Variants in DOK6 observed in about 807,000 individuals in gnomAD.
The protein encoded by DOK6 is docking protein 6.
A neutral mutation model predicts 44.0 loss-of-function variants in DOK6; 22 were observed. The ratio of observed to expected loss-of-function variants is 0.50; its 90% CI spans 0.36 to 0.71. The LOEUF is 0.71. DOK6 is among the 30% of genes least tolerant of loss of function. The probability of loss-of-function intolerance (pLI) is 0.00; values close to 1 mark genes in which losing one functional copy is unlikely to be tolerated. For synonymous variants in DOK6, 166 were observed against 145.5 expected (o/e 1.14, Z -1.01); for missense variants, 340 against 416.4 (o/e 0.82, Z 1.60).
At chr18:69,753,110 G>T (rs767357265) in intron 6 of DOK6, among the ~76,000 whole-genome samples, 1 of 152,154 alleles carries the variant, frequency 6.6e-6, no homozygotes, top group South Asian at 2.1e-4. Flanking sequence ...AATGAAATGT[G>T]TTCAAAAGAA....
At chr18:69,496,661 A>C (rs751262970) in intron 1 of DOK6, among the ~76,000 whole-genome samples, 3 of 152,122 alleles carry the variant, frequency 2.0e-5, no homozygotes, top group Non-Finnish European at 4.4e-5. Context: ...ATTACCAGAA[A>C]ATTCTTCATA....
chr18:69,404,792 T>A (rs1339641205), intron 1 of DOK6, among the ~76,000 whole-genome samples: 1 of 94,816 alleles, frequency 1.1e-5, no homozygotes, highest in African/African-American at 3.1e-5. Context: ...GGGTGGTGTG[T>A]GTGTGTGTGT....
intron 1 of DOK6, among the ~76,000 whole-genome samples, chr18:69,495,213 G>A (rs1980848153): frequency 6.6e-6 from 1 of 152,222 alleles, no homozygotes; most frequent in South Asian, 2.1e-4. Context: ...CAAAGAGGGA[G>A]TCACAGTCTT....
intron 3 of DOK6, among the ~76,000 whole-genome samples, chr18:69,634,115 T>A (rs577863578): frequency 4.6e-5 from 7 of 152,068 alleles, no homozygotes; most frequent in African/African-American, 1.7e-4. Flanking sequence ...TCTAAAAAAT[T>A]AGTCCAAACA....
intron 2 of DOK6, among the ~76,000 whole-genome samples, chr18:69,585,490 T>A (rs1335285954): frequency 6.6e-6 from 1 of 152,240 alleles, no homozygotes; most frequent in Non-Finnish European, 1.5e-5. Flanking sequence ...TAGGGCCACA[T>A]AGATAATATA....
chr18:69,696,241 C>T (rs762715704), intron 4 of DOK6, among the ~76,000 whole-genome samples: 2 of 152,188 alleles, frequency 1.3e-5, no homozygotes, highest in Non-Finnish European at 2.9e-5. Flanking sequence ...AGCACACAAA[C>T]ATTTCAGTGA....
intron 1 of DOK6, among the ~76,000 whole-genome samples, chr18:69,443,830 A>G (rs1979203279): frequency 6.6e-6 from 1 of 152,106 alleles, no homozygotes; most frequent in African/African-American, 2.4e-5. Context: ...ATAGATCCTC[A>G]GATACCACCT....
chr18:69,477,385 G>A (rs969037875), intron 1 of DOK6, among the ~76,000 whole-genome samples: 2 of 152,128 alleles, frequency 1.3e-5, no homozygotes, highest in Non-Finnish European at 2.9e-5. Context: ...ATCAAAAAGT[G>A]TATGTTTTAA....
chr18:69,646,414 T>TGGTTATTTTAGGGAAAAAAATTACC (rs1985074897), intron 3 of DOK6, among the ~76,000 whole-genome samples: 1 of 152,210 alleles, frequency 6.6e-6, no homozygotes, highest in South Asian at 2.1e-4. Flanking sequence ...CTCTGATTTC[T>TGGTTATTTTAGGGAAAAAAATTACC]GGTTATTTTA....
rs1351653077 is a variant in DOK6, at chr18:69,612,468, T to TGCGAGGGCGC, written c.289+12970_289+12971insGCGAGGGCGC. The stretch of plus-strand genomic sequence containing the variant: ...GCGCATGTGTGCGAGCGTGCATATG[T>TGCGAGGGCGC]ATTTCTTGCTCTTTTCTAACATAGA... On this transcript the variant is annotated intron_variant, in intron 3 of 7. Coordinates refer to ENST00000382713, the MANE Select transcript of DOK6 (RefSeq NM_152721.6). Among the ~76,000 whole-genome samples, 145 of 149,284 alleles carry TGCGAGGGCGC rather than the reference T, an allele frequency of 9.7e-4. 3 individuals carry two copies. Among genetic ancestry groups the TGCGAGGGCGC allele is most frequent in the East Asian group, 2.4e-3 (12 of 4,980 alleles).
At chr18:69,733,825 G>A (rs1339974798) in intron 5 of DOK6, among the ~76,000 whole-genome samples, 5 of 151,944 alleles carry the variant, frequency 3.3e-5, no homozygotes, top group Admixed American at 1.3e-4. Context: ...TTATTATTAC[G>A]ACTATTACTG....
At chr18:69,702,204 A>G (rs2144706699) in intron 5 of DOK6, among the ~76,000 whole-genome samples, 1 of 148,780 alleles carries the variant, frequency 6.7e-6, no homozygotes, top group East Asian at 2.0e-4. Context: ...ACATATCTTC[A>G]TAAAAGAGTG....
chr18:69,405,903 A>G (rs971958606), intron 1 of DOK6, among the ~76,000 whole-genome samples: 1 of 152,256 alleles, frequency 6.6e-6, no homozygotes, highest in Non-Finnish European at 1.5e-5. Flanking sequence ...TGCAGAAGTT[A>G]TAATGAGTGT....
chr18:69,800,419 C>T (rs547725814), intron 7 of DOK6, among the ~76,000 whole-genome samples: 2 of 152,016 alleles, frequency 1.3e-5, no homozygotes, highest in Non-Finnish European at 1.5e-5. Context: ...ACCCATTATG[C>T]CTCTGGAAAA....
intron 4 of DOK6, among the ~76,000 whole-genome samples, chr18:69,690,266 G>C (rs1986236575): frequency 6.6e-6 from 1 of 152,198 alleles, no homozygotes; most frequent in African/African-American, 2.4e-5. Flanking sequence ...ACACTGAGCA[G>C]ATGGCACCTA....
intron 1 of DOK6, among the ~76,000 whole-genome samples, chr18:69,528,831 G>A (rs1981908017): frequency 6.6e-6 from 1 of 152,164 alleles, no homozygotes; most frequent in South Asian, 2.1e-4. Flanking sequence ...CTGTGCTTAT[G>A]TTTTTACTGA....
intron 7 of DOK6, among the ~76,000 whole-genome samples, chr18:69,833,796 G>A (rs976869932): frequency 2.6e-5 from 4 of 152,128 alleles, no homozygotes; most frequent in Non-Finnish European, 4.4e-5. Flanking sequence ...AAACAGATAT[G>A]TAGATATAAA....
At chr18:69,760,925 G>C (rs1485283008) in intron 7 of DOK6, among the ~76,000 whole-genome samples, 1 of 79,730 alleles carries the variant, frequency 1.3e-5, no homozygotes, top group Admixed American at 1.2e-4. Context: ...TTTCCCGGGG[G>C]CCGGTTGTGA....
intron 7 of DOK6, among the ~76,000 whole-genome samples, chr18:69,775,056 A>G (rs1318309768): frequency 2.6e-5 from 4 of 151,954 alleles, no homozygotes; most frequent in Non-Finnish European, 5.9e-5. Context: ...TGATGAAATG[A>G]AATCCCTCGT....
Sources: allele counts gnomAD v4.1 joint callset (sites outside exome capture counted in the v4.1 genomes callset), GRCh38; gene constraint gnomAD v4.1.1; transcripts MANE v1.5; gene names NCBI Gene and HGNC (gene_info 2026-07-23, HGNC 2026-07-21).